CCDC93: variants seen among roughly 807,000 people sequenced by gnomAD.
The protein encoded by CCDC93 is CCC complex scaffolding subunit CCDC93.
In CCDC93, 61 loss-of-function variants were observed where a neutral mutation model predicts 108.2. The ratio of observed to expected loss-of-function variants is 0.56; its 90% CI spans 0.46 to 0.70. The LOEUF is 0.70. CCDC93 is among the 30% of genes least tolerant of loss of function. The pLI, the probability that CCDC93 is intolerant of heterozygous loss-of-function variation, is 0.00. For synonymous variants in CCDC93, 276 were observed against 260.4 expected, an observed-to-expected ratio of 1.06 and a Z score of -0.58; for missense variants, 685 against 764.2, an observed-to-expected ratio of 0.90 and a Z score of 1.22.
chr2:117,958,228 A>G, intron 12 of CCDC93, 137 bp downstream of exon 12: 3 of 623,952 alleles, frequency 4.8e-6, no homozygotes, highest in Admixed American at 5.6e-5. Flanking sequence ...GTTATGTTGT[A>G]ATAAAACTTA....
intron 14 of CCDC93, 146 bp downstream of exon 14, chr2:117,949,176 G>A: frequency 3.2e-6 from 2 of 616,494 alleles, no homozygotes; most frequent in East Asian, 5.5e-5. Context: ...ACCACTTTCT[G>A]GATGAACAGT....
chr2:117,974,077 G>C, intron 10 of CCDC93, 83 bp from the exon 11 acceptor site: 1 of 870,012 alleles, frequency 1.1e-6, no homozygotes, highest in Non-Finnish European at 1.9e-6. Flanking sequence ...TATTATGTCT[G>C]AACACTCTAT....
intron 3 of CCDC93, among the ~76,000 whole-genome samples, chr2:118,002,388 C>G (rs967441079): frequency 2.6e-5 from 4 of 152,148 alleles, no homozygotes; most frequent in Admixed American, 6.5e-5. Context: ...TTAGTATTAA[C>G]AGTAACTAGG....
At position 117,985,881 on chromosome 2, in the gene CCDC93, G is replaced by T. The variant is rs933801818; in HGVS notation, c.620+88C>A. The T allele has an allele frequency of 4.8e-5, 37 of 770,380 alleles. No individual in the cohort carries two copies. The Admixed American group carries it at 7.8e-4, about 16-fold the overall frequency. The allele number at this position is 770,380 out of a possible 1,614,324, so 47.7% of individuals were successfully genotyped here. On this transcript the variant is annotated intron_variant, in intron 7 of 23. Transcript: ENST00000376300. The stretch of plus-strand genomic sequence containing the variant: ...TGGCTGAAGGCAGAAACTCAATCGG[G>T]TAGAAGCTAGTCAAGTTAATCCAAA...
At position 117,939,056 on chromosome 2, in the gene CCDC93, A is replaced by G; in HGVS notation, c.1578T>C (p.Asp526=). ...KQFFTLYNTL[D]DKKVYLEKEI... is the part of the protein sequence containing the mutation. ...CTTTTTCCAAATAAACCTTTTTATC[A>G]TCCAGGGTATTATATAAAGTGAAGA... is the stretch of plus-strand genomic sequence containing the variant. Residue 526 remains aspartate, a synonymous_variant, in exon 20 of 24, where the codon GAT becomes GAC. Coordinates refer to ENST00000376300, the MANE Select transcript of CCDC93 (RefSeq NM_019044.5). The G allele has an allele frequency of 6.2e-7, 1 of 1,602,620 alleles. No individual in the cohort carries two copies. Among genetic ancestry groups the G allele is most frequent in the Non-Finnish European group, 8.5e-7 (1 of 1,170,174 alleles).
rs137871133 is a variant in CCDC93, at chr2:117,919,423, A to C, written c.*920T>G. The stretch of plus-strand genomic sequence containing the variant: ...CAGGAAGTTTCCCTGGATCTCTGCA[A>C]ACCCTACTGCTCTTCCTCCTGACAC... On this transcript the variant is annotated 3_prime_UTR_variant, in exon 24 of 24. Coordinates refer to ENST00000376300, the MANE Select transcript of CCDC93 (RefSeq NM_019044.5). 6.6e-6 allele frequency: 1 copy of C among 152,318 alleles called. No homozygotes were observed. Among genetic ancestry groups the C allele is most frequent in the Non-Finnish European group, 1.5e-5 (1 of 68,094 alleles). The allele number at this position is 152,318 out of a possible 1,614,324, so 9.4% of individuals were successfully genotyped here.
At chr2:117,984,183 A>T (rs761546918) in intron 7 of CCDC93, among the ~76,000 whole-genome samples, 1 of 152,092 alleles carries the variant, frequency 6.6e-6, no homozygotes, top group African/African-American at 2.4e-5. Flanking sequence ...CAAAAAAGCT[A>T]AAAAAACAAA....
rs185196174 is a variant in CCDC93 at position 117,918,890 on chromosome 2, C to G, written c.*1453G>C. ...ACCAGTGGCTGTTTTTAATCCAGCACGTGTGTGTGTTTTTAAATCTGTACA... is the reference window on the plus strand; with the variant it reads ...ACCAGTGGCTGTTTTTAATCCAGCAGGTGTGTGTGTTTTTAAATCTGTACA... On this transcript the variant is annotated 3_prime_UTR_variant, in exon 24 of 24. Transcript: ENST00000376300. 1 of 152,190 alleles carries G rather than the reference C, an allele frequency of 6.6e-6. No individual in the cohort carries two copies. The highest frequency in any genetic ancestry group is 1.5e-5 in the Non-Finnish European group (1 of 68,042). 9.4% of individuals were successfully genotyped at this position (152,190 alleles called of 1,614,324 possible).
At chr2:117,991,482 G>A (rs2104808155) in intron 6 of CCDC93, among the ~76,000 whole-genome samples, 1 of 152,352 alleles carries the variant, frequency 6.6e-6, no homozygotes, top group Non-Finnish European at 1.5e-5. Flanking sequence ...TGCTGTGTTA[G>A]AGTCAGGTGT....
intron 7 of CCDC93, among the ~76,000 whole-genome samples, chr2:117,978,881 G>A (rs1031706733): frequency 6.6e-6 from 1 of 152,086 alleles, no homozygotes. Flanking sequence ...AGTGGCACAC[G>A]CCTGTAGTCC....
At chr2:117,983,602 T>G (rs1680216456) in intron 7 of CCDC93, among the ~76,000 whole-genome samples, 1 of 129,200 alleles carries the variant, frequency 7.7e-6, no homozygotes, top group Non-Finnish European at 1.7e-5. Flanking sequence ...ACATTTACTG[T>G]TTTCTACATT....
chr2:117,931,085 C>T lies in CCDC93; in HGVS notation c.1794G>A (p.Leu598=), dbSNP rs143317773. 256 of 1,613,982 alleles carry T rather than the reference C, an allele frequency of 1.6e-4. No homozygotes were observed. The highest frequency in any genetic ancestry group is 2.0e-4 in the Non-Finnish European group (235 of 1,179,868). The change falls in exon 23 of 24, where the codon CTG becomes CTA. Residue 598 remains leucine, a synonymous_variant. Coordinates refer to ENST00000376300, the MANE Select transcript of CCDC93 (RefSeq NM_019044.5). The part of the protein sequence containing the change: ...RDQLNDQYLE[L]LEKQRLYFKT... ...TAAAGTATAGCCTCTGCTTTTCTAA[C>T]AGCTCCAAGTACTGGTCGTTCAACT...
At chr2:118,000,703 T>C in intron 4 of CCDC93, 118 bp downstream of exon 4, 1 of 646,414 alleles carries the variant, frequency 1.5e-6, no homozygotes, top group East Asian at 2.8e-5. Context: ...CTGTACCAAA[T>C]CTAAGCCACA....
chr2:117,951,745 C>A lies in CCDC93; in HGVS notation c.1068+628G>T, dbSNP rs1679063166. On this transcript the variant is annotated intron_variant, in intron 13 of 23. Coordinates refer to ENST00000376300, the MANE Select transcript of CCDC93 (RefSeq NM_019044.5). ...AGAAATATCTACACACTGCTCATGA[C>A]AGAGGTGGCAGCAGAGGTGTCTGTT... 7.3e-6 allele frequency: 7 copies of A among 959,530 alleles called. No individual in the cohort carries two copies. The South Asian group carries it at 2.9e-4, about 40-fold the overall frequency. 59.4% of individuals were successfully genotyped at this position (959,530 alleles called of 1,614,324 possible). A position where few individuals can be genotyped will look rare whatever the true frequency, so the allele number is the denominator to read the frequency against.
At chr2:117,969,997 G>T (rs921721998) in intron 11 of CCDC93, among the ~76,000 whole-genome samples, 1 of 152,092 alleles carries the variant, frequency 6.6e-6, no homozygotes, top group Admixed American at 6.5e-5. Flanking sequence ...ATTCCCATTG[G>T]TATGTGTTCT....
At chr2:117,939,179 T>C in intron 19 of CCDC93, 68 bp from the exon 20 acceptor site, 1 of 924,724 alleles carries the variant, frequency 1.1e-6, no homozygotes, top group Non-Finnish European at 1.7e-6. Flanking sequence ...GCCCCTCTCC[T>C]CCATGAATGC....
intron 7 of CCDC93, among the ~76,000 whole-genome samples, chr2:117,979,102 A>AC (rs111295381): frequency 2.8e-4 from 43 of 151,756 alleles, no homozygotes; most frequent in African/African-American, 9.7e-4. Flanking sequence ...CTCCAGCTTC[A>AC]CTCCCCACAC....
intron 2 of CCDC93, 134 bp from the exon 3 acceptor site, chr2:118,006,950 G>C (rs571162447): frequency 1.8e-6 from 1 of 542,734 alleles, no homozygotes; most frequent in South Asian, 2.3e-5. Flanking sequence ...GAGAGAGAGA[G>C]TGTGTGTCCT....
At chr2:117,964,923 A>G (rs1679509413) in intron 11 of CCDC93, among the ~76,000 whole-genome samples, 2 of 152,158 alleles carry the variant, frequency 1.3e-5, no homozygotes, top group Non-Finnish European at 2.9e-5. Context: ...GCTAATGGCT[A>G]TCAGGTGAGT....
Sources: gnomAD v4.1 joint callset for allele counts (sites outside exome capture counted in the v4.1 genomes callset) on GRCh38, gnomAD v4.1.1 for gene constraint, MANE v1.5 for transcripts, NCBI Gene and HGNC (gene_info 2026-07-23, HGNC 2026-07-21) for gene names.